Variants in INPP4B observed in about 807,000 individuals in gnomAD.
The protein encoded by INPP4B is inositol polyphosphate 4-phosphatase type II.
Under a neutral mutation model 122.5 loss-of-function variants are expected in INPP4B, and 55 were observed. That is an observed-to-expected ratio of 0.45 (90% confidence interval 0.36 to 0.56). INPP4B has a LOEUF of 0.56. Ranked by LOEUF, INPP4B falls within the 20% of genes least tolerant of loss-of-function variation. INPP4B has a pLI of 0.00. For missense variants in INPP4B, 1,000 were observed against 1,097.7 expected (o/e 0.91, Z 1.26); for synonymous variants, 403 against 388.7 (o/e 1.04, Z -0.43).
intron 25 of INPP4B, among the ~76,000 whole-genome samples, chr4:142,039,892 GT>G (rs1035096943): frequency 8.6e-5 from 13 of 150,884 alleles, no homozygotes; most frequent in Admixed American, 4.0e-4. Context: ...TTATTTTGCT[GT>G]TTTTTTTTCT....
At chr4:142,525,014 T>G (rs1289270911) in intron 2 of INPP4B, among the ~76,000 whole-genome samples, 1 of 151,812 alleles carries the variant, frequency 6.6e-6, no homozygotes, top group East Asian at 1.9e-4. Context: ...AAAATCTCCT[T>G]AAGCTGATAA....
intron 23 of INPP4B, among the ~76,000 whole-genome samples, chr4:142,107,486 T>C (rs1787744831): frequency 6.6e-6 from 1 of 152,182 alleles, no homozygotes; most frequent in Admixed American, 6.5e-5. Context: ...TCAAATGTTA[T>C]GTGCTTAATA....
At chr4:142,336,057 C>CA in intron 7 of INPP4B, among the ~76,000 whole-genome samples, 1 of 152,224 alleles carries the variant, frequency 6.6e-6, no homozygotes, top group South Asian at 2.1e-4. Context: ...ATAAAAACCC[C>CA]AGACTCAGCT....
At chr4:142,065,850 C>T (rs891871954) in intron 25 of INPP4B, among the ~76,000 whole-genome samples, 1 of 152,098 alleles carries the variant, frequency 6.6e-6, no homozygotes, top group African/African-American at 2.4e-5. Context: ...ACAAATAATA[C>T]AGATGAAGAG....
rs564554335 is a variant in INPP4B at position 142,202,572 on chromosome 4, G to A, written c.1072+5853C>T. Among the ~76,000 whole-genome samples, 9 of 152,116 alleles carry A rather than the reference G, an allele frequency of 5.9e-5. No homozygotes were observed. In the South Asian group the frequency reaches 1.9e-3, roughly 32 times the overall value. ...AGAGCTCTAGAAGCTCCTCTCTTCTGCTCCTTCCTTCTATGTAGAGATTAT... is the reference window on the plus strand; with the variant it reads ...AGAGCTCTAGAAGCTCCTCTCTTCTACTCCTTCCTTCTATGTAGAGATTAT... On this transcript the variant is annotated intron_variant, in intron 14 of 25. Transcript: ENST00000262992.
At chr4:142,088,363 G>T (rs1303076700) in intron 23 of INPP4B, among the ~76,000 whole-genome samples, 1 of 152,086 alleles carries the variant, frequency 6.6e-6, no homozygotes, top group African/African-American at 2.4e-5. Context: ...ACAAACCCAG[G>T]GGAAGCCATA....
At chr4:142,051,362 A>G (rs1003135889) in intron 25 of INPP4B, among the ~76,000 whole-genome samples, 16 of 152,006 alleles carry the variant, frequency 1.1e-4, no homozygotes, top group African/African-American at 3.9e-4. Flanking sequence ...TTGTTATAGA[A>G]TACTAGATGC....
At chr4:142,214,500 T>C (rs1034031553) in intron 12 of INPP4B, among the ~76,000 whole-genome samples, 1 of 152,196 alleles carries the variant, frequency 6.6e-6, no homozygotes, top group African/African-American at 2.4e-5. Flanking sequence ...GGTTAAGCAC[T>C]AGACAAAAGG....
rs115135301 is a variant in INPP4B, at chr4:142,406,965, C to G, written c.137-1641G>C. ...CTTCTTGGCATGCCGACCTGCCCTC[C>G]TGCACAATGGCACCTCTCTTTGGAA... On this transcript the variant is annotated intron_variant, in intron 5 of 25. Transcript: ENST00000262992. Among the ~76,000 whole-genome samples, 838 of 152,260 alleles carry G rather than the reference C, an allele frequency of 5.5e-3. 4 individuals are homozygous for G. The highest frequency in any genetic ancestry group is 0.019 in the African/African-American group (802 of 41,546).
At chr4:142,212,674 G>T (rs1017778080) in intron 12 of INPP4B, among the ~76,000 whole-genome samples, 1 of 152,044 alleles carries the variant, frequency 6.6e-6, no homozygotes, top group Non-Finnish European at 1.5e-5. Context: ...CACTTAAGTG[G>T]GATTCTAATT....
chr4:142,729,877 T>C (rs2150875402), intron 1 of INPP4B, among the ~76,000 whole-genome samples: 1 of 152,316 alleles, frequency 6.6e-6, no homozygotes, highest in African/African-American at 2.4e-5. Flanking sequence ...GAAAAATAGA[T>C]GAATCCCCAT....
At chr4:142,651,785 T>C (rs141361624) in intron 2 of INPP4B, among the ~76,000 whole-genome samples, 38 of 152,116 alleles carry the variant, frequency 2.5e-4, no homozygotes, top group Admixed American at 5.9e-4. Context: ...CTGAAATCTA[T>C]GAGATGTACA....
chr4:142,589,521 A>C (rs1736968252), intron 2 of INPP4B, among the ~76,000 whole-genome samples: 1 of 152,106 alleles, frequency 6.6e-6, no homozygotes. Flanking sequence ...ACAGCATATG[A>C]AAAACTGATC....
intron 2 of INPP4B, among the ~76,000 whole-genome samples, chr4:142,634,928 G>A (rs540529583): frequency 2.0e-5 from 3 of 152,128 alleles, no homozygotes; most frequent in Non-Finnish European, 4.4e-5. Context: ...ATTCTATGAT[G>A]CATGAAAATT....
chr4:142,108,064 T>C (rs776629814), intron 23 of INPP4B, 29 bp downstream of exon 23: 3 of 1,106,792 alleles, frequency 2.7e-6, no homozygotes, highest in Non-Finnish European at 2.7e-6. Flanking sequence ...GAAGCTATTA[T>C]TGCTGTCTTC....
intron 10 of INPP4B, among the ~76,000 whole-genome samples, chr4:142,265,719 T>C (rs931053179): frequency 2.0e-5 from 3 of 152,204 alleles, no homozygotes; most frequent in Non-Finnish European, 4.4e-5. Context: ...GCCAAAATGT[T>C]TGATGTGTTT....
intron 7 of INPP4B, among the ~76,000 whole-genome samples, chr4:142,335,625 T>C (rs1481807658): frequency 1.3e-5 from 2 of 152,148 alleles, no homozygotes; most frequent in Non-Finnish European, 2.9e-5. Flanking sequence ...AATCTGAAAT[T>C]TAAAAACAGT....
At chr4:142,430,407 T>C (rs1268675377) in intron 4 of INPP4B, among the ~76,000 whole-genome samples, 1 of 152,060 alleles carries the variant, frequency 6.6e-6, no homozygotes, top group Non-Finnish European at 1.5e-5. Flanking sequence ...ATCCAACCAA[T>C]ACAATTTTCT....
At chr4:142,600,044 T>C (rs1451666518) in intron 2 of INPP4B, among the ~76,000 whole-genome samples, 1 of 152,068 alleles carries the variant, frequency 6.6e-6, no homozygotes. Flanking sequence ...TGACAAAATA[T>C]ATGAATTATT....
Sources: allele counts gnomAD v4.1 joint callset (sites outside exome capture counted in the v4.1 genomes callset), GRCh38; gene constraint gnomAD v4.1.1; transcripts MANE v1.5; gene names NCBI Gene and HGNC (gene_info 2026-07-23, HGNC 2026-07-21).